Variants in OXR1 observed in about 807,000 individuals in gnomAD.
OXR1 encodes oxidation resistance 1.
A neutral mutation model predicts 104.6 loss-of-function variants in OXR1; 41 were observed. That is an observed-to-expected ratio of 0.39 (90% CI 0.31 to 0.51). The LOEUF is 0.51. Ranked by LOEUF, OXR1 falls within the 20% of genes least tolerant of loss-of-function variation. The pLI is 0.77. For synonymous variants in OXR1, 348 were observed against 348.4 expected (o/e 1.00, Z 0.01); for missense variants, 955 against 1,031.9 (o/e 0.93, Z 1.02).
chr8:106,371,344 GC>G (rs1259835450), intron 2 of OXR1, among the ~76,000 whole-genome samples: 1 of 151,624 alleles, frequency 6.6e-6, no homozygotes, highest in Non-Finnish European at 1.5e-5. Flanking sequence ...CAAAAAAAAA[GC>G]AGCTTCTGGA....
At chr8:106,471,542 G>T (rs1475431513) in intron 2 of OXR1, among the ~76,000 whole-genome samples, 1 of 151,598 alleles carries the variant, frequency 6.6e-6, no homozygotes, top group African/African-American at 2.4e-5. Context: ...TATTGCATGC[G>T]ATAGACTAGG....
intron 2 of OXR1, among the ~76,000 whole-genome samples, chr8:106,472,379 A>C (rs1821562206): frequency 6.6e-6 from 1 of 151,816 alleles, no homozygotes; most frequent in African/African-American, 2.4e-5. Flanking sequence ...TCAGTAAATC[A>C]AGCAAAAAAT....
At chr8:106,294,172 G>A (rs1006798307) in intron 1 of OXR1, among the ~76,000 whole-genome samples, 1 of 151,704 alleles carries the variant, frequency 6.6e-6, no homozygotes, top group African/African-American at 2.4e-5. Context: ...GGAGGCCGAG[G>A]CGGGCAGATA....
chr8:106,579,698 G>A (rs960014156), intron 3 of OXR1, among the ~76,000 whole-genome samples: 1 of 151,938 alleles, frequency 6.6e-6, no homozygotes, highest in African/African-American at 2.4e-5. Flanking sequence ...TAGTAGCTAA[G>A]GAGGGGAGCC....
chr8:106,312,278 T>C (rs753403363), intron 1 of OXR1, among the ~76,000 whole-genome samples: 2 of 152,164 alleles, frequency 1.3e-5, no homozygotes, highest in Admixed American at 1.3e-4. Flanking sequence ...AAGTTCAATC[T>C]CAAGTCAGCC....
intron 1 of OXR1, among the ~76,000 whole-genome samples, chr8:106,347,616 T>C (rs1815553639): frequency 6.6e-6 from 1 of 152,210 alleles, no homozygotes; most frequent in Non-Finnish European, 1.5e-5. Context: ...AAGATATAAT[T>C]ATTGTTCTTG....
At chr8:106,357,458 C>T (rs1816019941) in intron 1 of OXR1, among the ~76,000 whole-genome samples, 1 of 151,956 alleles carries the variant, frequency 6.6e-6, no homozygotes, top group Non-Finnish European at 1.5e-5. Flanking sequence ...CACTGGCAGG[C>T]CAATATTATT....
intron 2 of OXR1, among the ~76,000 whole-genome samples, chr8:106,364,415 A>G (rs780002260): frequency 6.6e-5 from 10 of 152,024 alleles, no homozygotes; most frequent in Non-Finnish European, 1.3e-4. Context: ...CCCCATCTCT[A>G]CTAAAAATAC....
At chr8:106,745,732 ACT>A (rs1470541362) in intron 15 of OXR1, 55 bp from the exon 16 acceptor site, 2 of 835,576 alleles carry the variant, frequency 2.4e-6, no homozygotes, top group Admixed American at 2.3e-5. Flanking sequence ...TGGAGAACTA[ACT>A]CTCTATAATA....
In OXR1 at chr8:106,706,866, C is replaced by G. The variant is rs773351034; in HGVS notation, c.1345C>G (p.Gln449Glu). Residue 449 changes from glutamine to glutamate, a missense_variant, in exon 9 of 17, where the codon CAG becomes GAG. This residue lies in a region of OXR1 where 849 missense variants were observed against 852.9 expected (regional missense o/e 1.00). Transcript: ENST00000517566. ...DSTSIKGNSD[Q>E]DSFLHENSLH... The stretch of plus-strand genomic sequence containing the variant: ...CACAAGTATAAAAGGTAATTCAGAC[C>G]AGGATTCTTTTCTTCATGAGAATTC... 3.1e-6 allele frequency: 5 copies of G among 1,611,382 alleles called. No homozygotes were observed. Among genetic ancestry groups the G allele is most frequent in the Admixed American group, 1.7e-5 (1 of 59,324 alleles).
At chr8:106,750,487 G>A (rs1835807477) in intron 16 of OXR1, among the ~76,000 whole-genome samples, 1 of 151,798 alleles carries the variant, frequency 6.6e-6, no homozygotes, top group South Asian at 2.1e-4. Context: ...CACCGCGCCT[G>A]GCTAATTTTT....
chr8:106,458,410 T>C (rs1820723983), intron 2 of OXR1, among the ~76,000 whole-genome samples: 2 of 152,156 alleles, frequency 1.3e-5, no homozygotes, highest in South Asian at 2.1e-4. Flanking sequence ...GTGCTAATTC[T>C]ACAGACATGC....
In OXR1 at chr8:106,591,908, G is replaced by T. The variant is rs1160145657; in HGVS notation, c.220+72769G>T. On this transcript the variant is annotated intron_variant, in intron 3 of 16. Transcript: ENST00000517566. ...TAAACGCAAGGTTATTCATAAAATG[G>T]TAAATGAGGGGACACCTGGCGTGAG... Among the ~76,000 whole-genome samples, 3 of 152,172 alleles carry T rather than the reference G, an allele frequency of 2.0e-5. No homozygotes were observed. In the South Asian group the frequency reaches 6.2e-4, roughly 32 times the overall value.
intron 2 of OXR1, among the ~76,000 whole-genome samples, chr8:106,374,163 A>G (rs1816818413): frequency 6.6e-6 from 1 of 152,200 alleles, no homozygotes; most frequent in South Asian, 2.1e-4. Flanking sequence ...GTCTTCTTTT[A>G]CTAGACACAC....
intron 2 of OXR1, among the ~76,000 whole-genome samples, chr8:106,513,945 G>A (rs1161946616): frequency 6.6e-6 from 1 of 152,104 alleles, no homozygotes; most frequent in East Asian, 1.9e-4. Flanking sequence ...AGAGGAATAA[G>A]ATTGTTCTTT....
intron 2 of OXR1, among the ~76,000 whole-genome samples, chr8:106,420,671 T>A (rs1818867995): frequency 6.6e-6 from 1 of 151,886 alleles, no homozygotes; most frequent in Non-Finnish European, 1.5e-5. Context: ...GTTAAGGTAT[T>A]AATATTTTAG....
At chr8:106,363,045 A>G (rs1816315475) in intron 2 of OXR1, among the ~76,000 whole-genome samples, 1 of 152,334 alleles carries the variant, frequency 6.6e-6, no homozygotes, top group African/African-American at 2.4e-5. Context: ...TCTGTTAAAG[A>G]CTGGACAGCA....
At chr8:106,319,663 G>C (rs1208770913) in intron 1 of OXR1, among the ~76,000 whole-genome samples, 5 of 152,174 alleles carry the variant, frequency 3.3e-5, no homozygotes, top group Non-Finnish European at 2.9e-5. Flanking sequence ...TTAAGAAGCA[G>C]CTGCAGCCGT....
At chr8:106,465,486 A>G (rs915251269) in intron 2 of OXR1, among the ~76,000 whole-genome samples, 2 of 152,034 alleles carry the variant, frequency 1.3e-5, no homozygotes. Context: ...ACATGTTAAC[A>G]TGATCATTTT....
Sources: allele counts gnomAD v4.1 joint callset (sites outside exome capture counted in the v4.1 genomes callset), GRCh38; gene constraint gnomAD v4.1.1; regional missense constraint gnomAD v4.1.1; transcripts MANE v1.5; gene names NCBI Gene and HGNC (gene_info 2026-07-23, HGNC 2026-07-21).